The following SLC4A4 variants were observed in gnomAD, a reference collection of about 807,000 sequenced individuals.
The protein encoded by SLC4A4 is electrogenic sodium bicarbonate cotransporter 1.
A neutral mutation model predicts 111.5 loss-of-function variants in SLC4A4; 27 were observed. That is an observed-to-expected ratio of 0.24 (90% confidence interval 0.18 to 0.33). SLC4A4 has a LOEUF of 0.33. SLC4A4 is among the 10% of genes least tolerant of loss of function. The pLI is 1.00. For synonymous variants in SLC4A4, 443 were observed against 463.4 expected (o/e 0.96, Z 0.57); for missense variants, 909 against 1,315.5 (o/e 0.69, Z 4.78).
chr4:71,406,150 A>G (rs1416964519), intron 7 of SLC4A4, among the ~76,000 whole-genome samples: 3 of 152,036 alleles, frequency 2.0e-5, no homozygotes, highest in Non-Finnish European at 4.4e-5. Context: ...TGCAGCTTGG[A>G]TCTACATCTC....
At chr4:71,120,431 C>G (rs1743382114) in intron 2 of SLC4A4, among the ~76,000 whole-genome samples, 1 of 152,170 alleles carries the variant, frequency 6.6e-6, no homozygotes, top group Admixed American at 6.5e-5. Context: ...GGGCCTTGCG[C>G]TTTGATTTTA....
At chr4:71,480,644 TTATC>T (rs1207503698) in intron 14 of SLC4A4, among the ~76,000 whole-genome samples, 12 of 151,770 alleles carry the variant, frequency 7.9e-5, no homozygotes, top group African/African-American at 2.9e-4. Flanking sequence ...ATTTTATCCT[TTATC>T]TATTTTCTAG....
chr4:71,386,734 A>G (rs1718760199), intron 6 of SLC4A4, among the ~76,000 whole-genome samples: 1 of 152,174 alleles, frequency 6.6e-6, no homozygotes, highest in Non-Finnish European at 1.5e-5. Context: ...TCTAAAAACT[A>G]ATTAGAACTT....
intron 3 of SLC4A4, among the ~76,000 whole-genome samples, chr4:71,295,895 C>G (rs189253166): frequency 7.9e-5 from 12 of 151,966 alleles, no homozygotes; most frequent in Non-Finnish European, 1.6e-4. Flanking sequence ...CATGTCCTTA[C>G]GTGATCCACC....
At chr4:71,453,236 A>T (rs765130081) in intron 11 of SLC4A4, among the ~76,000 whole-genome samples, 18 of 152,210 alleles carry the variant, frequency 1.2e-4, no homozygotes, top group Non-Finnish European at 2.5e-4. Context: ...TAATGTATTT[A>T]CACAGTTCAC....
intron 16 of SLC4A4, among the ~76,000 whole-genome samples, chr4:71,529,934 A>C (rs1733767263): frequency 6.6e-6 from 1 of 152,090 alleles, no homozygotes; most frequent in South Asian, 2.1e-4. Flanking sequence ...GGGTGTTTGT[A>C]ACTTCCTGAC....
At chr4:71,119,322 C>A (rs899021898) in intron 2 of SLC4A4, among the ~76,000 whole-genome samples, 6 of 152,236 alleles carry the variant, frequency 3.9e-5, no homozygotes, top group African/African-American at 1.2e-4. Flanking sequence ...TATTTAATCT[C>A]CTTTTTATCT....
chr4:71,557,688 A>C (rs1223882691), intron 21 of SLC4A4, 24 bp from the exon 22 acceptor site: 1 of 1,609,994 alleles, frequency 6.2e-7, no homozygotes. Context: ...ATGCAGTTGG[A>C]CTCCTTTCCT....
At chr4:71,389,112 G>T (rs1719032714) in intron 6 of SLC4A4, among the ~76,000 whole-genome samples, 1 of 152,180 alleles carries the variant, frequency 6.6e-6, no homozygotes, top group Admixed American at 6.5e-5. Flanking sequence ...CAAAGGGACT[G>T]TAGATAACAA....
chr4:71,077,334 T>C (rs1741861965), intron 1 of SLC4A4, among the ~76,000 whole-genome samples: 1 of 152,002 alleles, frequency 6.6e-6, no homozygotes, highest in African/African-American at 2.4e-5. Flanking sequence ...CTAATTTTTG[T>C]ATTTTTAGTA....
intron 2 of SLC4A4, among the ~76,000 whole-genome samples, chr4:71,095,828 T>C (rs10019157): frequency 0.092 from 13,964 of 152,206 alleles, 795 homozygotes; most frequent in African/African-American, 0.16. Flanking sequence ...GAGGGGAACC[T>C]AAGATAATCT....
intron 3 of SLC4A4, among the ~76,000 whole-genome samples, chr4:71,303,516 T>G (rs2148843913): frequency 6.6e-6 from 1 of 152,342 alleles, no homozygotes; most frequent in East Asian, 1.9e-4. Context: ...GATGAATCTC[T>G]TCATGACTAC....
chr4:71,293,840 G>A lies in SLC4A4; in HGVS notation c.253+38441G>A, dbSNP rs186430881. Among the ~76,000 whole-genome samples, 42 of 152,238 alleles carry A rather than the reference G, an allele frequency of 2.8e-4. No individual in the cohort carries two copies. In the East Asian group the frequency reaches 7.7e-3, roughly 28 times the overall value. ...CAGGGCATATATTACAACTTATAAC[G>A]TATCGCTGTCACTCTTAGTCTGAGC... On this transcript the variant is annotated intron_variant, in intron 3 of 25. Coordinates refer to ENST00000264485, the MANE Select transcript of SLC4A4 (RefSeq NM_001098484.3).
chr4:71,356,322 A>G (rs1258938561), intron 5 of SLC4A4, among the ~76,000 whole-genome samples: 1 of 152,188 alleles, frequency 6.6e-6, no homozygotes, highest in Non-Finnish European at 1.5e-5. Flanking sequence ...TGGTAGTAAG[A>G]CTAAGATATT....
chr4:71,148,539 C>T (rs1264765894), intron 2 of SLC4A4, among the ~76,000 whole-genome samples: 1 of 152,100 alleles, frequency 6.6e-6, no homozygotes, highest in African/African-American at 2.4e-5. Flanking sequence ...CTGATCCTCT[C>T]CTTCCTCTCA....
intron 1 of SLC4A4, among the ~76,000 whole-genome samples, chr4:71,063,204 C>T (rs566802443): frequency 1.3e-5 from 2 of 152,110 alleles, no homozygotes; most frequent in Non-Finnish European, 2.9e-5. Context: ...TAGTGTCATA[C>T]CCATGGATCA....
chr4:71,299,400 C>T (rs764322620), intron 3 of SLC4A4, among the ~76,000 whole-genome samples: 3 of 152,172 alleles, frequency 2.0e-5, no homozygotes, highest in Admixed American at 6.5e-5. Context: ...GAGACCTGTA[C>T]TTGGTCTCAG....
At chr4:71,157,615 A>G (rs1465868694) in intron 2 of SLC4A4, among the ~76,000 whole-genome samples, 3 of 152,320 alleles carry the variant, frequency 2.0e-5, no homozygotes, top group East Asian at 3.9e-4. Context: ...GGAAATTTGA[A>G]AGGACATTTA....
At chr4:71,498,853 A>G (rs1730647932) in intron 16 of SLC4A4, among the ~76,000 whole-genome samples, 1 of 152,138 alleles carries the variant, frequency 6.6e-6, no homozygotes. Context: ...ACATACAAAA[A>G]AACACACTCT....
Sources: allele counts gnomAD v4.1 joint callset (sites outside exome capture counted in the v4.1 genomes callset), GRCh38; gene constraint gnomAD v4.1.1; transcripts MANE v1.5; gene names NCBI Gene and HGNC (gene_info 2026-07-23, HGNC 2026-07-21).